SLC4A5: variants seen among roughly 807,000 people sequenced by gnomAD.
The protein encoded by SLC4A5 is solute carrier family 4 member 5.
A neutral mutation model predicts 120.4 loss-of-function variants in SLC4A5; 96 were observed. That is an observed-to-expected ratio of 0.80 (90% CI 0.68 to 0.94). The LOEUF is 0.94. SLC4A5 is among the 40% of genes least tolerant of loss of function. SLC4A5 has a pLI of 0.00. For synonymous variants in SLC4A5, 550 were observed against 571.1 expected (o/e 0.96, Z 0.53); for missense variants, 1,259 against 1,459.5 (o/e 0.86, Z 2.24).
At position 74,316,467 on chromosome 2, in the gene SLC4A5, G is replaced by C. The variant is rs1293875115; in HGVS notation, c.-2-1442C>G. 3.9e-5 allele frequency among the ~76,000 whole-genome samples: 6 copies of C among 152,030 alleles called. No homozygotes were observed. The South Asian group carries it at 6.2e-4, about 16-fold the overall frequency. On this transcript the variant is annotated intron_variant, in intron 5 of 30. Coordinates refer to ENST00000394019, the Ensembl canonical transcript of SLC4A5. ...AAATCCTGGCCAAGACAGGATAGGA[G>C]GTCAGACACACCTGGTTATATCATC...
intron 19 of SLC4A5, among the ~76,000 whole-genome samples, chr2:74,243,438 A>G (rs1670511523): frequency 6.6e-6 from 1 of 152,238 alleles, no homozygotes. Context: ...CCAGGGCAGA[A>G]TATTCCTAGA....
chr2:74,255,070 C>T lies in SLC4A5; in HGVS notation c.1026-364G>A, dbSNP rs1246046973. On this transcript the variant is annotated intron_variant, in intron 13 of 30. Transcript: ENST00000394019. The surrounding 1 kb of genome is among the most constrained non-coding windows in gnomAD (Gnocchi z 4.0). ...TCCTGGGCTCGAGCAATTCACCCGC[C>T]TTGGCCTCCCAGAGTGCTGGGATTA... Among the ~76,000 whole-genome samples the T allele has an allele frequency of 6.6e-5, 10 of 151,990 alleles. No individual in the cohort carries two copies. Among genetic ancestry groups the T allele is most frequent in the Non-Finnish European group, 4.4e-5 (3 of 67,990 alleles).
intron 6 of SLC4A5, among the ~76,000 whole-genome samples, chr2:74,312,294 G>C (rs1286680817): frequency 1.3e-5 from 2 of 151,618 alleles, no homozygotes; most frequent in Non-Finnish European, 2.9e-5. Flanking sequence ...TTTTGAGACA[G>C]AGTCTTGCTC....
chr2:74,252,553 AT>A lies in SLC4A5; in HGVS notation c.1269-166del, dbSNP rs1307986303. Among the ~76,000 whole-genome samples, 3 of 152,184 alleles carry A rather than the reference AT, an allele frequency of 2.0e-5. No homozygotes were observed. The East Asian group carries it at 5.8e-4, about 29-fold the overall frequency. On this transcript the variant is annotated intron_variant, in intron 15 of 30. Transcript: ENST00000394019. The stretch of plus-strand genomic sequence containing the variant: ...TTTACAAATGTTCACATTTAGCCAT[AT>A]TTGTTTCTGATATATCTTATTATTT...
At chr2:74,221,500 T>C in exon 30 of SLC4A5, 1 of 1,614,178 alleles carries the variant, frequency 6.2e-7, no homozygotes. Flanking sequence ...AAGATCTTTT[T>C]CCTGGCAGGA....
chr2:74,249,878 A>G (rs1670738265), intron 17 of SLC4A5, among the ~76,000 whole-genome samples: 1 of 152,204 alleles, frequency 6.6e-6, no homozygotes, highest in Non-Finnish European at 1.5e-5. Flanking sequence ...GGAGATTGGC[A>G]GGTGTCTGCT....
intron 19 of SLC4A5, 116 bp downstream of exon 19, chr2:74,246,920 G>A: frequency 7.4e-7 from 1 of 1,354,666 alleles, no homozygotes; most frequent in Non-Finnish European, 1.0e-6. Flanking sequence ...TCTTGGAACT[G>A]TAAGCCCTTG....
At chr2:74,306,995 G>T (rs952601566) in intron 6 of SLC4A5, 1 of 595,060 alleles carries the variant, frequency 1.7e-6, no homozygotes, top group East Asian at 3.9e-5. Flanking sequence ...GGTGCAGCAG[G>T]ATCCCATTGA....
intron 8 of SLC4A5, among the ~76,000 whole-genome samples, chr2:74,271,594 C>A (rs1404448945): frequency 2.0e-5 from 3 of 151,956 alleles, no homozygotes; most frequent in Non-Finnish European, 2.9e-5. Context: ...ATAACAAATG[C>A]CAAATATACA....
intron 16 of SLC4A5, chr2:74,250,762 G>A (rs1670765777): frequency 4.1e-6 from 2 of 482,114 alleles, no homozygotes; most frequent in Admixed American, 6.9e-5. Context: ...AAGTCTGATG[G>A]GAATATGTCC....
intron 24 of SLC4A5, among the ~76,000 whole-genome samples, chr2:74,232,168 G>C (rs1670110129): frequency 6.6e-6 from 1 of 152,178 alleles, no homozygotes; most frequent in African/African-American, 2.4e-5. Context: ...GGGCAGGACA[G>C]CACGAAGCCT....
chr2:74,329,809 T>A (rs528642241), intron 4 of SLC4A5, among the ~76,000 whole-genome samples: 1 of 151,728 alleles, frequency 6.6e-6, no homozygotes, highest in African/African-American at 2.4e-5. Context: ...CAGATGTAGA[T>A]GGAAGTGTGA....
chr2:74,266,578 G>A (rs1460810827), intron 8 of SLC4A5, among the ~76,000 whole-genome samples: 1 of 152,086 alleles, frequency 6.6e-6, no homozygotes, highest in African/African-American at 2.4e-5. Flanking sequence ...CACGGAATTA[G>A]GATTTTGATG....
At chr2:74,261,093 G>C (rs142893389) in intron 11 of SLC4A5, among the ~76,000 whole-genome samples, 1 of 152,134 alleles carries the variant, frequency 6.6e-6, no homozygotes, top group Non-Finnish European at 1.5e-5. Flanking sequence ...TCCCCTGTGC[G>C]CTGTGTTCTG....
At chr2:74,242,117 C>T (rs1250827680) in intron 19 of SLC4A5, 65 bp from the exon 20 acceptor site, 5 of 1,469,964 alleles carry the variant, frequency 3.4e-6, no homozygotes, top group East Asian at 2.4e-5. Context: ...GCATTCCCAA[C>T]CCCTTCCCAT....
At chr2:74,317,102 C>A (rs1672988836) in intron 5 of SLC4A5, among the ~76,000 whole-genome samples, 1 of 152,190 alleles carries the variant, frequency 6.6e-6, no homozygotes, top group Non-Finnish European at 1.5e-5. Context: ...CCAACCCAGT[C>A]AACTTAAATT....
At chr2:74,311,569 T>C (rs1193440192) in intron 6 of SLC4A5, among the ~76,000 whole-genome samples, 1 of 152,224 alleles carries the variant, frequency 6.6e-6, no homozygotes, top group East Asian at 1.9e-4. Context: ...TCATATATTA[T>C]TTAGAAGTGT....
intron 20 of SLC4A5, 86 bp downstream of exon 20, chr2:74,241,908 T>A: frequency 1.6e-6 from 2 of 1,271,626 alleles, no homozygotes; most frequent in Non-Finnish European, 2.2e-6. Context: ...TGGGAGGCCA[T>A]AAGTTGGTCT....
At chr2:74,231,723 GATTTT>G (rs1212981875) in intron 24 of SLC4A5, among the ~76,000 whole-genome samples, 1 of 152,158 alleles carries the variant, frequency 6.6e-6, no homozygotes, top group Non-Finnish European at 1.5e-5. Flanking sequence ...TCTGCCCTTT[GATTTT>G]AAGATTTCGT....
Sources: gnomAD v4.1 joint callset for allele counts (sites outside exome capture counted in the v4.1 genomes callset) on GRCh38, gnomAD v4.1.1 for gene constraint, Gnocchi (gnomAD v3.1) non-coding constraint, MANE v1.5 for transcripts, NCBI Gene and HGNC (gene_info 2026-07-23, HGNC 2026-07-21) for gene names.